SOX6: variants seen among roughly 807,000 people sequenced by gnomAD.
SOX6 encodes the protein SRY-box transcription factor 6, also known as transcription factor SOX-6.
In SOX6, 11 loss-of-function variants were observed where a neutral mutation model predicts 97.8. The observed-to-expected ratio is 0.11, with a 90% CI of 0.07 to 0.19. The LOEUF is 0.19. Ranked by LOEUF, SOX6 falls within the 10% of genes least tolerant of loss-of-function variation. The pLI is 1.00. For missense variants in SOX6, 810 were observed against 1,039.5 expected (o/e 0.78, Z 3.04); for synonymous variants, 360 against 371.4 (o/e 0.97, Z 0.35).
At chr11:16,176,390 C>T (rs1440315911) in intron 6 of SOX6, among the ~76,000 whole-genome samples, 2 of 151,870 alleles carry the variant, frequency 1.3e-5, no homozygotes, top group Admixed American at 1.3e-4. Context: ...AATGCTGTCA[C>T]TCACTGCTCA....
At chr11:16,273,613 A>G (rs1405027052) in intron 3 of SOX6, among the ~76,000 whole-genome samples, 1 of 151,968 alleles carries the variant, frequency 6.6e-6, no homozygotes, top group Non-Finnish European at 1.5e-5. Context: ...TCCATCTTCT[A>G]AGGAGATAAG....
chr11:16,458,194 T>C (rs1859847581), intron 1 of SOX6, among the ~76,000 whole-genome samples: 1 of 151,984 alleles, frequency 6.6e-6, no homozygotes, highest in Non-Finnish European at 1.5e-5. Context: ...GAAGATTTCA[T>C]AAAAGGCATA....
At chr11:16,255,429 T>C (rs1490798375) in intron 3 of SOX6, among the ~76,000 whole-genome samples, 1 of 152,050 alleles carries the variant, frequency 6.6e-6, no homozygotes, top group Admixed American at 6.6e-5. Flanking sequence ...GGTTTTAAAC[T>C]AGAAATCGGT....
At chr11:16,190,697 T>C (rs1040757621) in intron 4 of SOX6, among the ~76,000 whole-genome samples, 5 of 152,166 alleles carry the variant, frequency 3.3e-5, no homozygotes, top group African/African-American at 1.2e-4. Flanking sequence ...GGGGATCATA[T>C]ATATAGCCAA....
chr11:16,093,001 A>G (rs904539975), intron 9 of SOX6, among the ~76,000 whole-genome samples: 1 of 151,922 alleles, frequency 6.6e-6, no homozygotes, highest in Non-Finnish European at 1.5e-5. Flanking sequence ...TTACTTAAGG[A>G]CCAATGATAA....
intron 3 of SOX6, among the ~76,000 whole-genome samples, chr11:16,639,971 C>A (rs897968824): frequency 2.6e-5 from 4 of 152,096 alleles, no homozygotes; most frequent in African/African-American, 9.7e-5. Context: ...TGAGAGAGGG[C>A]ATCCCTGTCT....
At chr11:16,229,126 T>C (rs947066642) in intron 4 of SOX6, among the ~76,000 whole-genome samples, 21 of 152,144 alleles carry the variant, frequency 1.4e-4, no homozygotes, top group African/African-American at 4.8e-4. Context: ...GGCTGAGTTC[T>C]CTCCCTTTCC....
chr11:16,009,848 G>GC (rs2133856096), intron 13 of SOX6, among the ~76,000 whole-genome samples: 1 of 152,052 alleles, frequency 6.6e-6, no homozygotes, highest in Non-Finnish European at 1.5e-5. Flanking sequence ...GCTACAGTTT[G>GC]CCTCTGCTGC....
At chr11:16,481,315 A>AT (rs534442045), upstream of SOX6, among the ~76,000 whole-genome samples, 21 of 152,006 alleles carry the variant, frequency 1.4e-4, no homozygotes, top group African/African-American at 4.3e-4. Context: ...AATGTCCAGT[A>AT]TTTTTTTTAA....
At position 16,628,572 on chromosome 11, in the gene SOX6, G is replaced by A. The variant is rs188336849; in HGVS notation, n.430-16312C>T. Among the ~76,000 whole-genome samples, 725 of 145,960 alleles carry A rather than the reference G, an allele frequency of 5.0e-3. 5 individuals are homozygous for A. Among genetic ancestry groups the A allele is most frequent in the African/African-American group, 0.017 (686 of 39,458 alleles). ...CAGGAGGCGGAGGTTGCAGTGAGCC[G>A]AGATCACACCACTGCACTCCAGCCT... On this transcript the variant is annotated intron_variant and non_coding_transcript_variant, in intron 3 of 5. Coordinates refer to the SOX6 transcript ENST00000524520.
At chr11:16,524,934 G>A (rs1346415967) in intron 4 of SOX6, among the ~76,000 whole-genome samples, 1 of 152,118 alleles carries the variant, frequency 6.6e-6, no homozygotes, top group East Asian at 1.9e-4. Context: ...GGGACGTGAA[G>A]GACCTCTTCA....
intron 4 of SOX6, among the ~76,000 whole-genome samples, chr11:16,487,461 G>C (rs1860455532): frequency 6.6e-6 from 1 of 152,164 alleles, no homozygotes; most frequent in Admixed American, 6.5e-5. Context: ...AGTTAGAAGA[G>C]TCTTGCATTT....
In SOX6 at chr11:16,032,728, T is replaced by C. The variant is rs970477686; in HGVS notation, c.1623+13786A>G. Among the ~76,000 whole-genome samples the C allele has an allele frequency of 3.3e-5, 5 of 152,242 alleles. No homozygotes were observed. The East Asian group carries it at 9.7e-4, about 29-fold the overall frequency. On this transcript the variant is annotated intron_variant, in intron 12 of 15. Transcript: ENST00000683767. ...TTCAAGGCTTCCATCATCTGAATCCTGCCCCTCTCTAACTCAGAGTACACT... is the reference window on the plus strand; with the variant it reads ...TTCAAGGCTTCCATCATCTGAATCCCGCCCCTCTCTAACTCAGAGTACACT...
chr11:16,175,115 C>A (rs1851149214), intron 6 of SOX6, among the ~76,000 whole-genome samples: 1 of 151,900 alleles, frequency 6.6e-6, no homozygotes, highest in Non-Finnish European at 1.5e-5. Context: ...ATAGTACCTA[C>A]ACATTGATTA....
chr11:16,253,321 C>T (rs1453499354), intron 3 of SOX6, among the ~76,000 whole-genome samples: 1 of 149,698 alleles, frequency 6.7e-6, no homozygotes, highest in South Asian at 2.1e-4. Flanking sequence ...TGCACTCCAG[C>T]GTAGGTAACA....
chr11:16,049,719 C>G (rs991588788), intron 11 of SOX6, 36 bp downstream of exon 11: 1 of 1,610,914 alleles, frequency 6.2e-7, no homozygotes, highest in Non-Finnish European at 8.5e-7. Context: ...TTACCTAATT[C>G]GTAAGTCTCT....
chr11:16,225,176 A>G (rs1211691830), intron 4 of SOX6, among the ~76,000 whole-genome samples: 1 of 152,098 alleles, frequency 6.6e-6, no homozygotes, highest in East Asian at 1.9e-4. Flanking sequence ...AAATCTGAAC[A>G]TTGATAGTTA....
At chr11:16,395,370 T>C (rs1858321895) in intron 1 of SOX6, among the ~76,000 whole-genome samples, 1 of 151,820 alleles carries the variant, frequency 6.6e-6, no homozygotes, top group Non-Finnish European at 1.5e-5. Context: ...GGAGGGTTTC[T>C]CTGAAGAAAT....
intron 4 of SOX6, among the ~76,000 whole-genome samples, chr11:16,221,314 TAAAC>T (rs978029689): frequency 6.6e-6 from 1 of 151,980 alleles, no homozygotes; most frequent in African/African-American, 2.4e-5. Flanking sequence ...AACAAGTAAA[TAAAC>T]AAAAAAACTA....
Sources: gnomAD v4.1 joint callset for allele counts (sites outside exome capture counted in the v4.1 genomes callset) on GRCh38, gnomAD v4.1.1 for gene constraint, MANE v1.5 for transcripts, NCBI Gene and HGNC (gene_info 2026-07-23, HGNC 2026-07-21) for gene names.